The following ADAMTSL3 variants were observed in gnomAD, a reference collection of about 807,000 sequenced individuals.
ADAMTSL3 encodes ADAMTS-like protein 3.
Under a neutral mutation model 201.7 loss-of-function variants are expected in ADAMTSL3, and 128 were observed. The ratio of observed to expected loss-of-function variants is 0.63; its 90% CI spans 0.55 to 0.73. The LOEUF (loss-of-function observed/expected upper bound fraction) is 0.73, where lower values mean the gene tolerates loss of function less well. Ranked by LOEUF, ADAMTSL3 falls within the 30% of genes least tolerant of loss-of-function variation. The pLI is 0.00. For synonymous variants in ADAMTSL3, 738 were observed against 748.4 expected, an observed-to-expected ratio of 0.99 and a Z score of 0.23; for missense variants, 1,990 against 2,119.6, an observed-to-expected ratio of 0.94 and a Z score of 1.20.
Position 83,858,840 on chromosome 15 carries a change from T to G in ADAMTSL3, c.802T>G (p.Phe268Val). ...TACAGTGAAAGGACCTGCCCACCTC[T>G]GTAAGTAGAATTTAATCTTAACATT... ...RITVKGPAHL[F>V]IESKTLQGSK... Residue 268 changes from phenylalanine (F) to valine (V), a missense_variant and splice_region_variant, in exon 8 of 30, where the codon TTT (phenylalanine) becomes GTT (valine). Physicochemically the swap from Phe to Val is conservative, Grantham distance 50. Transcript: ENST00000286744. 6.2e-7 allele frequency: 1 copy of G among 1,604,798 alleles called. No individual in the cohort carries two copies.
chr15:84,014,796 AT>A, intron 24 of ADAMTSL3, 72 bp downstream of exon 24: 1 of 1,449,838 alleles, frequency 6.9e-7, no homozygotes, highest in Non-Finnish European at 9.3e-7. Flanking sequence ...AGTTTTGTTG[AT>A]TTTGGAGTTG....
At chr15:83,679,327 T>C (rs771102223) in intron 2 of ADAMTSL3, among the ~76,000 whole-genome samples, 38 of 152,310 alleles carry the variant, frequency 2.5e-4, no homozygotes, top group Admixed American at 5.2e-4. Context: ...TGAGTTCATT[T>C]CAGTGTAGGT....
chr15:83,717,511 G>C (rs1364492672), intron 3 of ADAMTSL3: 1 of 152,168 alleles, frequency 6.6e-6, no homozygotes, highest in Non-Finnish European at 1.5e-5. Context: ...TATGAAATTT[G>C]TGATGAGTTT....
Position 83,872,882 on chromosome 15 carries a change from T to C in ADAMTSL3, c.960+1923T>C, listed in dbSNP as rs1025066231. On this transcript the variant is annotated intron_variant, in intron 9 of 29. Coordinates refer to ENST00000286744, the MANE Select transcript of ADAMTSL3 (RefSeq NM_207517.3). ...CTATGAGTTTGTATGTACACACACG[T>C]ATATGTATATGTATATTTTTAAAAA... Among the ~76,000 whole-genome samples the C allele has an allele frequency of 2.1e-5, 3 of 145,690 alleles. 1 individual carries two copies. The highest frequency in any genetic ancestry group is 4.5e-5 in the Non-Finnish European group (3 of 66,848).
intron 16 of ADAMTSL3, among the ~76,000 whole-genome samples, chr15:83,917,417 G>GTGTATGTA (rs56329675): frequency 0.017 from 2,425 of 146,618 alleles, 28 homozygotes; most frequent in Non-Finnish European, 0.025. Context: ...TCCAAAGTGT[G>GTGTATGTA]TGTATGTATG....
At chr15:83,932,837 G>A (rs185887760) in intron 17 of ADAMTSL3, among the ~76,000 whole-genome samples, 11 of 152,306 alleles carry the variant, frequency 7.2e-5, no homozygotes, top group African/African-American at 2.4e-4. Context: ...GAAACAATGT[G>A]TGAGAGTCAG....
intron 7 of ADAMTSL3, among the ~76,000 whole-genome samples, chr15:83,853,585 T>C (rs951753137): frequency 4.6e-5 from 7 of 152,204 alleles, no homozygotes; most frequent in Admixed American, 2.0e-4. Flanking sequence ...CTACTTTGTC[T>C]ATTAATATAG....
intron 23 of ADAMTSL3, among the ~76,000 whole-genome samples, chr15:84,004,200 A>G (rs2067850844): frequency 6.6e-6 from 1 of 152,126 alleles, no homozygotes; most frequent in Admixed American, 6.5e-5. Flanking sequence ...GACACATACT[A>G]CAGTCAGGTC....
chr15:83,928,302 A>T (rs910916699), intron 17 of ADAMTSL3, among the ~76,000 whole-genome samples: 4 of 152,238 alleles, frequency 2.6e-5, no homozygotes, highest in Admixed American at 6.5e-5. Flanking sequence ...GGCATGAGTG[A>T]CCACACCCAG....
chr15:83,833,465 A>T (rs974174500), intron 6 of ADAMTSL3, among the ~76,000 whole-genome samples: 11 of 151,846 alleles, frequency 7.2e-5, no homozygotes, highest in African/African-American at 2.4e-4. Flanking sequence ...TAAATGTTTC[A>T]CCTCCTAGTA....
Position 83,976,337 on chromosome 15 carries a change from G to A in ADAMTSL3, c.2644+5700G>A, listed in dbSNP as rs200303077. Among the ~76,000 whole-genome samples the A allele has an allele frequency of 3.9e-5, 6 of 152,132 alleles. No individual in the cohort carries two copies. In the East Asian group the frequency reaches 1.2e-3, roughly 29 times the overall value. ...GCAGGGCCAGCACACCACTGGACAG[G>A]AGGAAATCTAGATCAGTGGTCTACA... is the stretch of plus-strand genomic sequence containing the variant. On this transcript the variant is annotated intron_variant, in intron 20 of 29. Coordinates refer to ENST00000286744, the MANE Select transcript of ADAMTSL3 (RefSeq NM_207517.3).
At position 84,021,597 on chromosome 15, in the gene ADAMTSL3, A is replaced by T. The variant is rs755818946; in HGVS notation, c.4457+4A>T. The T allele has an allele frequency of 6.8e-6, 11 of 1,613,196 alleles. No homozygotes were observed. The highest frequency in any genetic ancestry group is 9.3e-6 in the Non-Finnish European group (11 of 1,179,538). ...ACATCCGGGACTGCCCAGCGAGGTAAGTGAAGTCACTCTTTGTATCTCATC... is the reference window on the plus strand; with the variant it reads ...ACATCCGGGACTGCCCAGCGAGGTATGTGAAGTCACTCTTTGTATCTCATC... On this transcript the variant is annotated splice_donor_region_variant and intron_variant, in intron 26 of 29. Coordinates refer to ENST00000286744, the MANE Select transcript of ADAMTSL3 (RefSeq NM_207517.3).
At chr15:83,926,985 C>G (rs1403724738) in intron 17 of ADAMTSL3, among the ~76,000 whole-genome samples, 1 of 152,118 alleles carries the variant, frequency 6.6e-6, no homozygotes, top group African/African-American at 2.4e-5. Flanking sequence ...ATCAGTTCAC[C>G]TCTACTGTCT....
intron 3 of ADAMTSL3, among the ~76,000 whole-genome samples, chr15:83,727,745 A>G (rs961768352): frequency 6.6e-6 from 1 of 151,984 alleles, no homozygotes; most frequent in African/African-American, 2.4e-5. Context: ...ATATGATTTC[A>G]ATTTAAATTT....
At chr15:83,832,236 A>T in intron 6 of ADAMTSL3, among the ~76,000 whole-genome samples, 1 of 152,140 alleles carries the variant, frequency 6.6e-6, no homozygotes, top group East Asian at 1.9e-4. Flanking sequence ...TCCCCTTCCC[A>T]CATTTACCCT....
At position 83,773,630 on chromosome 15, in the gene ADAMTSL3, G is replaced by A. The variant is rs764760052; in HGVS notation, c.297G>A (p.Leu99=). The change falls in exon 4 of 30, where the codon CTG becomes CTA. Residue 99 remains leucine (L), a synonymous_variant. Transcript: ENST00000286744. ...GTGGGGGAGGAGCATCATATTCTCTGCGGAGATGTTTGACTGGAAGGTTAG... is the reference window on the plus strand; with the variant it reads ...GTGGGGGAGGAGCATCATATTCTCTACGGAGATGTTTGACTGGAAGGTTAG... ...RTCGGGASYS[L]RRCLTGRNCE... 2 of 1,609,522 alleles carry A rather than the reference G, an allele frequency of 1.2e-6. No homozygotes were observed. Among genetic ancestry groups the A allele is most frequent in the African/African-American group, 1.3e-5 (1 of 74,612 alleles).
chr15:83,741,081 A>G (rs949492114), intron 3 of ADAMTSL3, among the ~76,000 whole-genome samples: 16 of 152,156 alleles, frequency 1.1e-4, no homozygotes, highest in Admixed American at 3.3e-4. Context: ...AAAGCTTTCC[A>G]GAAGACTGGT....
At chr15:83,905,167 C>T (rs1307055589) in intron 15 of ADAMTSL3, among the ~76,000 whole-genome samples, 3 of 152,194 alleles carry the variant, frequency 2.0e-5, no homozygotes, top group South Asian at 2.1e-4. Flanking sequence ...GCTGCAGTTT[C>T]GTGTCAGATG....
At chr15:83,897,419 A>G (rs903762388) in intron 13 of ADAMTSL3, among the ~76,000 whole-genome samples, 1 of 150,020 alleles carries the variant, frequency 6.7e-6, no homozygotes, top group Admixed American at 6.6e-5. Context: ...CTATAGACAG[A>G]ATAGAAAAAT....
Sources: allele counts gnomAD v4.1 joint callset (sites outside exome capture counted in the v4.1 genomes callset), GRCh38; gene constraint gnomAD v4.1.1; transcripts MANE v1.5; gene names NCBI Gene and HGNC (gene_info 2026-07-23, HGNC 2026-07-21).